Variants in C2CD2 observed in about 807,000 individuals in gnomAD.
C2CD2 encodes the protein C2 calcium dependent domain containing 2, also known as C2 domain-containing protein 2.
In C2CD2, 43 loss-of-function variants were observed where a neutral mutation model predicts 74.3. The observed-to-expected ratio is 0.58, with a 90% CI of 0.45 to 0.75. The LOEUF is 0.75. Ranked by LOEUF, C2CD2 falls within the 30% of genes least tolerant of loss-of-function variation. The probability of loss-of-function intolerance (pLI) is 0.00; values close to 1 mark genes in which losing one functional copy is unlikely to be tolerated. For synonymous variants in C2CD2, 422 were observed against 390.7 expected (o/e 1.08, Z -0.94); for missense variants, 801 against 916.3 (o/e 0.87, Z 1.63).
Position 41,953,519 on chromosome 21 carries a change from G to A in C2CD2, c.130C>T (p.Gln44Ter). 1 of 1,481,262 alleles carries A rather than the reference G, an allele frequency of 6.8e-7. No individual in the cohort carries two copies. Among genetic ancestry groups the A allele is most frequent in the East Asian group, 2.9e-5 (1 of 34,512 alleles). 91.8% of individuals were successfully genotyped at this position (1,481,262 alleles called of 1,614,324 possible). A position where few individuals can be genotyped will look rare whatever the true frequency, so the allele number is the denominator to read the frequency against. The stretch of plus-strand genomic sequence containing the variant: ...GGCTCCACCGCCCGCCGCTGGGGCT[G>A]GGGTCGCGCCCTGGCCAGCGCCCAC... ...AQWALARARP[Q>*]PQRRAVEPGE... Residue 44 changes from glutamine (Q) to a stop codon, truncating the protein, a stop_gained, in exon 1 of 14, where the codon CAG (glutamine) becomes TAG (stop). Transcript: ENST00000380486. LOFTEE classifies it high-confidence loss of function.
chr21:41,889,308 C>T lies in C2CD2; in HGVS notation c.1907G>A (p.Arg636His), dbSNP rs775460961. 14 of 1,613,864 alleles carry T rather than the reference C, an allele frequency of 8.7e-6. No homozygotes were observed. The South Asian group carries it at 9.9e-5, about 11-fold the overall frequency. ...TGGGTCTTTCTGTTGATGCCGCCGG[C>T]GGAAGAACAGCTTTGCACCTTTCCT... ...ILRKGAKLFF[R>H]RRHQQKDPGM... Residue 636 changes from arginine to histidine, a missense_variant, in exon 14 of 14, where the codon CGC becomes CAC. Arg to His is a conservative substitution (Grantham distance 29). Coordinates refer to ENST00000380486, the MANE Select transcript of C2CD2 (RefSeq NM_015500.2).
chr21:41,918,005 G>C, intron 5 of C2CD2, 100 bp downstream of exon 5: 1 of 1,389,420 alleles, frequency 7.2e-7, no homozygotes, highest in Admixed American at 1.8e-5. Flanking sequence ...TCTACCATGG[G>C]AGGTGGAGGA....
chr21:41,908,007 G>A, intron 8 of C2CD2: 2 of 556,470 alleles, frequency 3.6e-6, no homozygotes, highest in Non-Finnish European at 6.4e-6. Flanking sequence ...CAATAAGACA[G>A]GCAGGCAATG....
chr21:41,891,556 G>A (rs2064754276), intron 13 of C2CD2, among the ~76,000 whole-genome samples: 1 of 152,138 alleles, frequency 6.6e-6, no homozygotes, highest in South Asian at 2.1e-4. Context: ...GGGGCTCTGA[G>A]CTGACCAGGT....
intron 11 of C2CD2, among the ~76,000 whole-genome samples, chr21:41,902,213 T>C (rs1231152762): frequency 6.6e-6 from 1 of 152,184 alleles, no homozygotes. Context: ...TATCTAACCC[T>C]TTGGAAGATT....
intron 5 of C2CD2, among the ~76,000 whole-genome samples, 156 bp downstream of exon 5, chr21:41,917,949 C>A (rs552446079): frequency 6.6e-6 from 1 of 152,264 alleles, no homozygotes; most frequent in East Asian, 1.9e-4. Context: ...GGCTTTATCC[C>A]ACATCCACCA....
intron 9 of C2CD2, 138 bp downstream of exon 9, chr21:41,907,522 G>A (rs3746902): frequency 0.11 from 100,540 of 925,982 alleles, 7,669 homozygotes; most frequent in East Asian, 0.31. Context: ...TCCTGCGTAC[G>A]ATGAAACAGC....
chr21:41,940,559 G>T (rs392348), intron 2 of C2CD2, among the ~76,000 whole-genome samples: 1 of 152,190 alleles, frequency 6.6e-6, no homozygotes, highest in African/African-American at 2.4e-5. Flanking sequence ...GAGCCATAAA[G>T]ATCATACAGC....
intron 1 of C2CD2, among the ~76,000 whole-genome samples, chr21:41,950,782 T>C (rs1601609281): frequency 6.6e-6 from 1 of 151,984 alleles, no homozygotes; most frequent in Non-Finnish European, 1.5e-5. Context: ...AATACAAAGG[T>C]GGGGTAAAAC....
chr21:41,930,027 G>C, intron 2 of C2CD2, among the ~76,000 whole-genome samples: 1 of 134,016 alleles, frequency 7.5e-6, no homozygotes, highest in Non-Finnish European at 1.8e-5. Flanking sequence ...AGCAGGTGAG[G>C]GTTCACCTAA....
At chr21:41,950,792 C>G (rs2065443852) in intron 1 of C2CD2, among the ~76,000 whole-genome samples, 2 of 152,200 alleles carry the variant, frequency 1.3e-5, no homozygotes. Flanking sequence ...TGGGGTAAAA[C>G]TTGGAATGGG....
rs904688143 is a variant in C2CD2 at position 41,922,143 on chromosome 21, A to G, written c.379-58T>C. The G allele has an allele frequency of 3.7e-5, 36 of 967,208 alleles. No homozygotes were observed. The African/African-American group carries it at 4.6e-4, about 12-fold the overall frequency. The allele number at this position is 967,208 out of a possible 1,614,324, so 59.9% of individuals were successfully genotyped here. A position where few individuals can be genotyped will look rare whatever the true frequency, so the allele number is the denominator to read the frequency against. ...ATCCAAAACAAAGGACAGCGCGTGC[A>G]TACGCATCTTCTTCTTCTTCTTTTT... is the stretch of plus-strand genomic sequence containing the variant. On this transcript the variant is annotated intron_variant, in intron 2 of 13. Coordinates refer to ENST00000380486, the MANE Select transcript of C2CD2 (RefSeq NM_015500.2).
At position 41,949,066 on chromosome 21, in the gene C2CD2, G is replaced by A. The variant is rs1191695029; in HGVS notation, c.279+4304C>T. ...GCTACCAGACAAGCCCAGAGCACAGGCCACGGAACACAGGCCTCGCTTCGG... is the reference window on the plus strand; with the variant it reads ...GCTACCAGACAAGCCCAGAGCACAGACCACGGAACACAGGCCTCGCTTCGG... On this transcript the variant is annotated intron_variant, in intron 1 of 13. Coordinates refer to ENST00000380486, the MANE Select transcript of C2CD2 (RefSeq NM_015500.2). Among the ~76,000 whole-genome samples the A allele has an allele frequency of 2.6e-5, 4 of 151,908 alleles. No individual in the cohort carries two copies. The East Asian group carries it at 7.8e-4, about 29-fold the overall frequency.
intron 1 of C2CD2, among the ~76,000 whole-genome samples, chr21:41,950,712 A>G (rs2065443254): frequency 6.6e-6 from 1 of 152,206 alleles, no homozygotes; most frequent in South Asian, 2.1e-4. Context: ...CACGGGCCTC[A>G]GTCTCCCCTT....
chr21:41,898,315 GCTC>G (rs925743467), intron 13 of C2CD2, among the ~76,000 whole-genome samples: 2 of 152,170 alleles, frequency 1.3e-5, no homozygotes, highest in Non-Finnish European at 1.5e-5. Flanking sequence ...CAGCGGCCAT[GCTC>G]CTCATCTTAT....
Position 41,886,036 on chromosome 21 carries a change from C to T in C2CD2, c.*3088G>A, listed in dbSNP as rs188726823. On this transcript the variant is annotated 3_prime_UTR_variant, in exon 14 of 14. Transcript: ENST00000380486. ...CGTGTGTGCAAACACACATAACACA[C>T]ACACACACTTAAAGCTCCATTTCAC... is the stretch of plus-strand genomic sequence containing the variant. The T allele has an allele frequency of 3.9e-5, 6 of 152,440 alleles. No homozygotes were observed. The highest frequency in any genetic ancestry group is 1.2e-4 in the African/African-American group (5 of 41,572). 9.4% of individuals were successfully genotyped at this position (152,440 alleles called of 1,614,324 possible).
At chr21:41,947,321 C>A (rs377357552) in intron 1 of C2CD2, among the ~76,000 whole-genome samples, 12 of 152,080 alleles carry the variant, frequency 7.9e-5, no homozygotes, top group Admixed American at 4.6e-4. Context: ...CCACGCCCAG[C>A]TAATTTTGTA....
In C2CD2 at chr21:41,924,296, G is replaced by C. The variant is rs1273495124; in HGVS notation, c.379-2211C>G. Among the ~76,000 whole-genome samples, 1 of 152,120 alleles carries C rather than the reference G, an allele frequency of 6.6e-6. No homozygotes were observed. The highest frequency in any genetic ancestry group is 2.4e-5 in the African/African-American group (1 of 41,418). ...CCCATCCCACTCTGGAACAAAAACG[G>C]AACCTGGGCACTAAGGCCCGGGCAG... On this transcript the variant is annotated intron_variant, in intron 2 of 13. Transcript: ENST00000380486. This position sits in a 1 kb window ranked among gnomAD's most constrained non-coding sequence, Gnocchi z 4.4.
chr21:41,901,645 T>C lies in C2CD2; in HGVS notation c.1537A>G (p.Ile513Val). The change falls in exon 12 of 14, where the codon ATT becomes GTT. Residue 513 changes from isoleucine to valine, a missense_variant. Transcript: ENST00000380486. Reference sequence around the variant, plus strand: ...ACCTTGGAGATCCCTGATATGATAATAGTGCTTTTCTTCCGTGGCGACTTG... The same window carrying C: ...ACCTTGGAGATCCCTGATATGATAACAGTGCTTTTCTTCCGTGGCGACTTG... ...KLKSPRKKST[I>V]IISGISKTSL... 2 of 1,614,210 alleles carry C rather than the reference T, an allele frequency of 1.2e-6. No individual in the cohort carries two copies. The highest frequency in any genetic ancestry group is 2.2e-5 in the East Asian group (1 of 44,886).
Sources: allele counts gnomAD v4.1 joint callset (sites outside exome capture counted in the v4.1 genomes callset), GRCh38; gene constraint gnomAD v4.1.1; non-coding constraint Gnocchi (gnomAD v3.1); transcripts MANE v1.5; gene names NCBI Gene and HGNC (gene_info 2026-07-23, HGNC 2026-07-21).